Variants in SHCBP1L observed in about 807,000 individuals in gnomAD.
SHCBP1L encodes the protein SHC binding and spindle associated 1 like, also known as testicular spindle-associated protein SHCBP1L.
In SHCBP1L, 67 loss-of-function variants were observed where a neutral mutation model predicts 62.5. The ratio of observed to expected loss-of-function variants is 1.07; its 90% CI spans 0.88 to 1.31. SHCBP1L has a LOEUF of 1.31. Ranked by LOEUF, SHCBP1L falls within the 40% of genes most tolerant of loss-of-function variation. The pLI is 0.00. For missense variants in SHCBP1L, 823 were observed against 809.8 expected (o/e 1.02, Z -0.20); for synonymous variants, 284 against 289.4 (o/e 0.98, Z 0.19).
intron 6 of SHCBP1L, among the ~76,000 whole-genome samples, chr1:182,922,552 T>TAA (rs201825711): frequency 2.3e-5 from 3 of 132,424 alleles, no homozygotes; most frequent in Admixed American, 7.7e-5. Flanking sequence ...AGACTCCATC[T>TAA]AAAAAAAAAA....
At chr1:182,933,137 C>T (rs1041516243) in intron 5 of SHCBP1L, among the ~76,000 whole-genome samples, 2 of 152,046 alleles carry the variant, frequency 1.3e-5, no homozygotes, top group South Asian at 4.1e-4. Flanking sequence ...AACTCCTGAC[C>T]TTGTGATCTG....
intron 2 of SHCBP1L, among the ~76,000 whole-genome samples, chr1:182,945,352 AG>A (rs1303756506): frequency 1.3e-5 from 2 of 152,218 alleles, no homozygotes; most frequent in African/African-American, 4.8e-5. Flanking sequence ...CAAAGCCAAT[AG>A]ATTGTGTTTG....
chr1:182,930,328 T>C (rs1650920336), intron 5 of SHCBP1L, among the ~76,000 whole-genome samples: 1 of 151,928 alleles, frequency 6.6e-6, no homozygotes, highest in Non-Finnish European at 1.5e-5. Flanking sequence ...TGCTTTTCTT[T>C]ATGTTTCCTG....
chr1:182,940,366 C>T lies in SHCBP1L; in HGVS notation c.733G>A (p.Asp245Asn). 1.2e-6 allele frequency: 2 copies of T among 1,613,906 alleles called. No individual in the cohort carries two copies. The highest frequency in any genetic ancestry group is 1.7e-6 in the Non-Finnish European group (2 of 1,179,910). ...EVYPVEGQDTDIHVIALALEV... is the reference protein window; with the variant it reads ...EVYPVEGQDTNIHVIALALEV... ...AAGGCCAAAGCAATAACATGTATAT[C>T]AGTATCTTGTCCCTCAACAGGATAC... Residue 245 changes from aspartate to asparagine, a missense_variant, in exon 3 of 10, where the codon GAT becomes AAT. Physicochemically the swap from Asp to Asn is conservative, Grantham distance 23. Coordinates refer to ENST00000367547, the MANE Select transcript of SHCBP1L (RefSeq NM_030933.4).
intron 2 of SHCBP1L, among the ~76,000 whole-genome samples, chr1:182,947,428 A>G (rs1651602000): frequency 6.6e-6 from 1 of 152,166 alleles, no homozygotes; most frequent in Non-Finnish European, 1.5e-5. Flanking sequence ...ACTGCTTTGT[A>G]CAGAAGTTAT....
intron 9 of SHCBP1L, among the ~76,000 whole-genome samples, 193 bp downstream of exon 9, chr1:182,902,846 T>G (rs910866201): frequency 3.3e-5 from 5 of 152,216 alleles, no homozygotes; most frequent in Non-Finnish European, 5.9e-5. Flanking sequence ...AGAGTTTAAG[T>G]ACAAATTATT....
chr1:182,938,434 G>A (rs1017889816), intron 5 of SHCBP1L, among the ~76,000 whole-genome samples: 2 of 150,190 alleles, frequency 1.3e-5, no homozygotes, highest in Non-Finnish European at 3.0e-5. Context: ...TTTCTTTTAA[G>A]AGACAGGGTC....
intron 2 of SHCBP1L, chr1:182,942,189 C>T: frequency 1.7e-6 from 2 of 1,165,808 alleles, no homozygotes; most frequent in Middle Eastern, 3.8e-4. Context: ...GCAGGTAAAT[C>T]TTTAGTTTCT....
chr1:182,939,824 A>G (rs1440749510), intron 3 of SHCBP1L, among the ~76,000 whole-genome samples: 1 of 152,198 alleles, frequency 6.6e-6, no homozygotes, highest in African/African-American at 2.4e-5. Context: ...CAAAAAATAA[A>G]TAATATGTAA....
intron 2 of SHCBP1L, 87 bp from the exon 3 acceptor site, chr1:182,940,630 A>G: frequency 9.1e-7 from 1 of 1,099,350 alleles, no homozygotes; most frequent in Non-Finnish European, 1.3e-6. Flanking sequence ...AGCTCATTAT[A>G]AAGTTTCTTC....
intron 2 of SHCBP1L, among the ~76,000 whole-genome samples, chr1:182,947,039 C>T (rs943792928): frequency 1.3e-5 from 2 of 151,966 alleles, no homozygotes; most frequent in African/African-American, 2.4e-5. Flanking sequence ...GAGTTCGAGA[C>T]CAGCCTCGGC....
chr1:182,922,102 A>G (rs1650545574), intron 6 of SHCBP1L, among the ~76,000 whole-genome samples: 1 of 152,214 alleles, frequency 6.6e-6, no homozygotes, highest in Non-Finnish European at 1.5e-5. Context: ...AGAATTAACT[A>G]TCTTAAATAT....
At chr1:182,936,130 G>GTTT (rs71127329) in intron 5 of SHCBP1L, among the ~76,000 whole-genome samples, 14 of 63,954 alleles carry the variant, frequency 2.2e-4, no homozygotes, top group South Asian at 6.7e-4. Flanking sequence ...TTTGTTTTTT[G>GTTT]TTTTTTTTTT....
chr1:182,927,050 CTATATATATATATATATATATATATATA>C (rs58308065), intron 6 of SHCBP1L, among the ~76,000 whole-genome samples: 3,355 of 90,496 alleles, frequency 0.037, 184 homozygotes, highest in Admixed American at 0.066. Flanking sequence ...TTAACTAGCA[CTATATATATATATATATATATATATATA>C]TATATATATA....
intron 2 of SHCBP1L, among the ~76,000 whole-genome samples, chr1:182,945,254 G>A (rs1651522846): frequency 6.6e-6 from 1 of 152,094 alleles, no homozygotes; most frequent in African/African-American, 2.4e-5. Context: ...GTGAGCCACT[G>A]CGCCCAGCCA....
At chr1:182,905,694 T>C (rs1350124071) in intron 6 of SHCBP1L, 45 bp from the exon 7 acceptor site, 1 of 1,570,362 alleles carries the variant, frequency 6.4e-7, no homozygotes, top group African/African-American at 1.4e-5. Flanking sequence ...TAGGTTAAAC[T>C]GAAACATGTC....
At chr1:182,905,957 C>A (rs778158641) in intron 6 of SHCBP1L, among the ~76,000 whole-genome samples, 2 of 152,050 alleles carry the variant, frequency 1.3e-5, no homozygotes, top group African/African-American at 4.8e-5. Context: ...TATTTTGAGA[C>A]GGAGTTTCGC....
In SHCBP1L at chr1:182,907,300, G is replaced by A. The variant is rs557480449; in HGVS notation, c.1183-1651C>T. On this transcript the variant is annotated intron_variant, in intron 6 of 9. Transcript: ENST00000367547. ...ATATAAAAATTAGCCAGGCATGGTG[G>A]TACATGCCTGTAATCCCAGCTACTA... is the stretch of plus-strand genomic sequence containing the variant. Among the ~76,000 whole-genome samples, 3 of 151,228 alleles carry A rather than the reference G, an allele frequency of 2.0e-5. No individual in the cohort carries two copies. In the South Asian group the frequency reaches 6.3e-4, roughly 32 times the overall value.
chr1:182,924,994 AAGG>A (rs1319583677), intron 6 of SHCBP1L, among the ~76,000 whole-genome samples: 1 of 137,340 alleles, frequency 7.3e-6, no homozygotes, highest in East Asian at 2.3e-4. Context: ...GGAAGAAGGA[AAGG>A]AAGGAAGAAA....
Sources: gnomAD v4.1 joint callset for allele counts (sites outside exome capture counted in the v4.1 genomes callset) on GRCh38, gnomAD v4.1.1 for gene constraint, MANE v1.5 for transcripts, NCBI Gene and HGNC (gene_info 2026-07-23, HGNC 2026-07-21) for gene names.